Variants in KLK10 observed in about 807,000 individuals in gnomAD.
The protein encoded by KLK10 is kallikrein-10.
Under a neutral mutation model 25.7 loss-of-function variants are expected in KLK10, and 27 were observed. That is an observed-to-expected ratio of 1.05 (90% confidence interval 0.77 to 1.45). KLK10 has a LOEUF of 1.45. KLK10 is among the 40% of genes most tolerant of loss of function. The pLI, the probability that KLK10 is intolerant of heterozygous loss-of-function variation, is 0.00. For synonymous variants in KLK10, 173 were observed against 160.1 expected, an observed-to-expected ratio of 1.08 and a Z score of -0.61; for missense variants, 386 against 370.0, an observed-to-expected ratio of 1.04 and a Z score of -0.35.
rs969288187 is a variant in KLK10, at chr19:51,015,644, C to T, written c.545-94G>A. ...ACAAGACCGTTTCTATCCTAAGCCC[C>T]AGCCCCTCCTCCTTCAGACTCAAGA... On this transcript the variant is annotated intron_variant, in intron 4 of 5. Coordinates refer to ENST00000358789, the MANE Select transcript of KLK10 (RefSeq NM_145888.3). The T allele has an allele frequency of 5.5e-5, 77 of 1,407,064 alleles. 1 individual carries two copies. Among genetic ancestry groups the T allele is most frequent in the East Asian group, 3.0e-4 (13 of 43,448 alleles). The allele number at this position is 1,407,064 out of a possible 1,614,324, so 87.2% of individuals were successfully genotyped here. A position where few individuals can be genotyped will look rare whatever the true frequency, so the allele number is the denominator to read the frequency against.
Position 51,014,630 on chromosome 19 carries a change from T to G in KLK10, c.*170A>C. On this transcript the variant is annotated 3_prime_UTR_variant, in exon 6 of 6. Transcript: ENST00000358789. Reference sequence around the variant, plus strand: ...CAGAGAATGGGGATAGGTGGGGGAATGAGGTGAGAGGGGAGATGTTTAGAG... The same window carrying G: ...CAGAGAATGGGGATAGGTGGGGGAAGGAGGTGAGAGGGGAGATGTTTAGAG... 1 of 562,954 alleles carries G rather than the reference T, an allele frequency of 1.8e-6. No homozygotes were observed. The highest frequency in any genetic ancestry group is 3.1e-6 in the Non-Finnish European group (1 of 319,626). The allele number at this position is 562,954 out of a possible 1,614,324, so 34.9% of individuals were successfully genotyped here. A position where few individuals can be genotyped will look rare whatever the true frequency, so the allele number is the denominator to read the frequency against.
At chr19:51,017,040 C>A in intron 3 of KLK10, 70 bp downstream of exon 3, 1 of 1,417,406 alleles carries the variant, frequency 7.1e-7, no homozygotes. Flanking sequence ...AGACCCCGCC[C>A]TGCCCGCTCC....
chr19:51,019,391 A>G lies in KLK10; in HGVS notation c.-10+236T>C, dbSNP rs1384500143. Among the ~76,000 whole-genome samples, 2 of 152,206 alleles carry G rather than the reference A, an allele frequency of 1.3e-5. No homozygotes were observed. Among genetic ancestry groups the G allele is most frequent in the African/African-American group, 4.8e-5 (2 of 41,552 alleles). Reference sequence around the variant, plus strand: ...CCGAGTGGAGCGCTCTCCGCGCCCCAGCTACCCTGGCTGCAGCCACGCCGC... The same window carrying G: ...CCGAGTGGAGCGCTCTCCGCGCCCCGGCTACCCTGGCTGCAGCCACGCCGC... On this transcript the variant is annotated intron_variant, in intron 1 of 5. Coordinates refer to ENST00000358789, the MANE Select transcript of KLK10 (RefSeq NM_145888.3). The surrounding 1 kb of genome is among the most constrained non-coding windows in gnomAD (Gnocchi z 4.2).
chr19:51,015,068 G>C (rs2091306085), intron 5 of KLK10, 116 bp from the exon 6 acceptor site: 2 of 884,484 alleles, frequency 2.3e-6, no homozygotes, highest in African/African-American at 3.4e-5. Flanking sequence ...GACGAGGATG[G>C]GATGGGGTTG....
At chr19:51,015,608 G>A (rs2091316005) in intron 4 of KLK10, 58 bp from the exon 5 acceptor site, 1 of 1,575,930 alleles carries the variant, frequency 6.3e-7, no homozygotes, top group East Asian at 2.3e-5. Flanking sequence ...TGGGGAGCCA[G>A]GAGTCCAGAT....
rs1266036097 is a variant in KLK10, at chr19:51,019,236, G to C, written c.-9-97C>G. 2.5e-6 allele frequency: 2 copies of C among 789,060 alleles called. No homozygotes were observed. The highest frequency in any genetic ancestry group is 2.8e-5 in the East Asian group (1 of 35,808). The allele number at this position is 789,060 out of a possible 1,614,324, so 48.9% of individuals were successfully genotyped here. ...CGCCCAGCCTGGGCCACCCCAGCCC[G>C]CAAGCACCCTTTTGACCTGCAGCCG... On this transcript the variant is annotated intron_variant, in intron 1 of 5. Transcript: ENST00000358789. This position sits in a 1 kb window ranked among gnomAD's most constrained non-coding sequence, Gnocchi z 4.2.
Position 51,013,782 on chromosome 19 carries a change from C to T in KLK10, c.*1018G>A, listed in dbSNP as rs2091290021. ...TCTGTGTATTAACTCCCCTTCCCTC[C>T]CCCAATTTCAGGGAGAATCAAACAA... On this transcript the variant is annotated 3_prime_UTR_variant, in exon 6 of 6. Transcript: ENST00000358789. 1 of 153,756 alleles carries T rather than the reference C, an allele frequency of 6.5e-6. No individual in the cohort carries two copies. The highest frequency in any genetic ancestry group is 2.4e-5 in the African/African-American group (1 of 41,420). 9.5% of individuals were successfully genotyped at this position (153,756 alleles called of 1,614,324 possible).
In KLK10 at chr19:51,017,250, C is replaced by A. The variant is rs756496581; in HGVS notation, c.129G>T (p.Leu43Phe). Residue 43 changes from leucine (L) to phenylalanine (F), a missense_variant, in exon 3 of 6, where the codon TTG (leucine) becomes TTT (phenylalanine). By Grantham distance (22) the Leu-to-Phe change is conservative. Transcript: ENST00000358789. ...ACGGGGAGCCATAGGCTTCGGGGTCCAAGCGCGTGTCGTTTTGGGGGAGCA... is the reference window on the plus strand; with the variant it reads ...ACGGGGAGCCATAGGCTTCGGGGTCAAAGCGCGTGTCGTTTTGGGGGAGCA... ...AALLPQNDTR[L>F]DPEAYGSPCA... The A allele has an allele frequency of 3.1e-6, 5 of 1,610,726 alleles. No homozygotes were observed. The highest frequency in any genetic ancestry group is 4.2e-6 in the Non-Finnish European group (5 of 1,178,840).
chr19:51,014,706 C>G lies in KLK10; in HGVS notation c.*94G>C. Reference sequence around the variant, plus strand: ...CAGTGCAGACAAGGGGAGAGTTCAGCCGACTGGGGAGGAAGAGGATGGACG... The same window carrying G: ...CAGTGCAGACAAGGGGAGAGTTCAGGCGACTGGGGAGGAAGAGGATGGACG... On this transcript the variant is annotated 3_prime_UTR_variant, in exon 6 of 6. Transcript: ENST00000358789. The G allele has an allele frequency of 7.4e-7, 1 of 1,357,044 alleles. No homozygotes were observed. 84.1% of individuals were successfully genotyped at this position (1,357,044 alleles called of 1,614,324 possible). A position where few individuals can be genotyped will look rare whatever the true frequency, so the allele number is the denominator to read the frequency against.
chr19:51,017,067 C>T, intron 3 of KLK10, 43 bp downstream of exon 3: 6 of 1,508,136 alleles, frequency 4.0e-6, no homozygotes, highest in Non-Finnish European at 5.3e-6. Flanking sequence ...GAGGCCGCCT[C>T]CACAGCCCCC....
At chr19:51,015,289 G>T (rs2091309474) in intron 5 of KLK10, 128 bp downstream of exon 5, 1 of 1,055,166 alleles carries the variant, frequency 9.5e-7, no homozygotes, top group Non-Finnish European at 1.4e-6. Flanking sequence ...GGTTAGGTCT[G>T]GGTAAGAGTT....
intron 5 of KLK10, 92 bp downstream of exon 5, chr19:51,015,325 G>A (rs1279204120): frequency 1.4e-6 from 2 of 1,422,624 alleles, no homozygotes; most frequent in African/African-American, 2.8e-5. Context: ...TTTGGGAATG[G>A]AGTTGGGGAT....
chr19:51,016,899 G>A (rs1371890191), intron 3 of KLK10, among the ~76,000 whole-genome samples: 1 of 152,144 alleles, frequency 6.6e-6, no homozygotes, highest in Non-Finnish European at 1.5e-5. Context: ...GAGAATCAGC[G>A]GGAGAGGAGT....
At chr19:51,018,200 AGAG>A (rs2091358971) in intron 2 of KLK10, among the ~76,000 whole-genome samples, 3 of 112,308 alleles carry the variant, frequency 2.7e-5, no homozygotes, top group African/African-American at 8.1e-5. Flanking sequence ...GGAAAGAAAA[AGAG>A]AGAGAAAGAA....
rs1167736218 is a variant in KLK10 at position 51,015,995 on chromosome 19, G to A, written c.431C>T (p.Ala144Val). ...DEHDLMLLKL[A>V]RPVVLGPRVR... ...GCGGGGCCCCAGCACTACGGGCCTG[G>A]CCAGCTTCAGCAACATGAGATCGTG... The change falls in exon 4 of 6, where the codon GCC becomes GTC. Residue 144 changes from alanine to valine, a missense_variant. Transcript: ENST00000358789. The A allele has an allele frequency of 6.4e-7, 1 of 1,569,996 alleles. No individual in the cohort carries two copies.
At chr19:51,020,023 G>A (rs2122490191), upstream of KLK10, 1 of 152,278 alleles carries the variant, frequency 6.6e-6, no homozygotes, top group East Asian at 1.9e-4. Flanking sequence ...GGGGTGGCAG[G>A]ATGAGAGGCC....
chr19:51,017,849 C>A (rs1031983429), intron 2 of KLK10, among the ~76,000 whole-genome samples: 15 of 121,704 alleles, frequency 1.2e-4, no homozygotes, highest in South Asian at 7.3e-4. Flanking sequence ...ACAACAACAA[C>A]AAAAAAGTAG....
chr19:51,019,806 CTGTCTAATTGT>C (rs1045808840), upstream of KLK10: 3 of 151,986 alleles, frequency 2.0e-5, no homozygotes, highest in African/African-American at 4.8e-5. This position sits in a 1 kb window ranked among gnomAD's most constrained non-coding sequence, Gnocchi z 4.2. Context: ...CCCTTTCCCT[CTGTCTAATTGT>C]ACCGTGGGTG....
chr19:51,013,335 C>T lies in KLK10; in HGVS notation c.*1465G>A, dbSNP rs1600134439. ...GAAAGGACAAACAAACAAACAAAAA[C>T]CCCGTGCTTAATGGGAAATTTCTGT... is the stretch of plus-strand genomic sequence containing the variant. On this transcript the variant is annotated 3_prime_UTR_variant, in exon 6 of 6. Coordinates refer to ENST00000358789, the MANE Select transcript of KLK10 (RefSeq NM_145888.3). 1 of 152,322 alleles carries T rather than the reference C, an allele frequency of 6.6e-6. No homozygotes were observed. Among genetic ancestry groups the T allele is most frequent in the Admixed American group, 6.5e-5 (1 of 15,296 alleles). 9.4% of individuals were successfully genotyped at this position (152,322 alleles called of 1,614,324 possible).
Sources: allele counts gnomAD v4.1 joint callset (sites outside exome capture counted in the v4.1 genomes callset), GRCh38; gene constraint gnomAD v4.1.1; non-coding constraint Gnocchi (gnomAD v3.1); transcripts MANE v1.5; gene names NCBI Gene and HGNC (gene_info 2026-07-23, HGNC 2026-07-21).